The following EVC2 variants were observed in gnomAD, a reference collection of about 807,000 sequenced individuals.
EVC2 encodes limbin.
A neutral mutation model predicts 149.3 loss-of-function variants in EVC2; 148 were observed. That is an observed-to-expected ratio of 0.99 (90% CI 0.87 to 1.14). The LOEUF is 1.14. EVC2 is among the 50% of genes most tolerant of loss of function. The pLI, the probability that EVC2 is intolerant of heterozygous loss-of-function variation, is 0.00. For synonymous variants in EVC2, 776 were observed against 649.9 expected (o/e 1.19, Z -2.95); for missense variants, 1,854 against 1,627.3 (o/e 1.14, Z -2.40).
chr4:5,606,768 C>A (rs768376595), intron 16 of EVC2, among the ~76,000 whole-genome samples: 2 of 152,108 alleles, frequency 1.3e-5, no homozygotes, highest in Non-Finnish European at 2.9e-5. Flanking sequence ...AATTGGGAGG[C>A]TACAAAGTTG....
chr4:5,626,106 A>G (rs1716089757), intron 12 of EVC2, among the ~76,000 whole-genome samples, 198 bp from the exon 13 acceptor site: 1 of 152,176 alleles, frequency 6.6e-6, no homozygotes, highest in Admixed American at 6.5e-5. Context: ...AGCTCAGCAC[A>G]AGAGAGACAT....
chr4:5,549,629 T>G (rs1407821874), intron 21 of EVC2, among the ~76,000 whole-genome samples: 1 of 152,210 alleles, frequency 6.6e-6, no homozygotes, highest in East Asian at 1.9e-4. Context: ...GGTCAAACCC[T>G]CTCACAGAAG....
At chr4:5,620,660 T>C (rs1405986597) in intron 14 of EVC2, among the ~76,000 whole-genome samples, 2 of 152,208 alleles carry the variant, frequency 1.3e-5, no homozygotes, top group Non-Finnish European at 2.9e-5. Context: ...TTGCGTACAC[T>C]GTGAGTCGAT....
chr4:5,532,915 A>G, the EVC2 span, among the ~76,000 whole-genome samples: 1 of 151,264 alleles, frequency 6.6e-6, no homozygotes, highest in South Asian at 2.1e-4. Flanking sequence ...CTCACCCCAT[A>G]CTCAGTACCC....
intron 21 of EVC2, among the ~76,000 whole-genome samples, chr4:5,557,369 A>G (rs115068954): frequency 0.028 from 4,239 of 152,260 alleles, 99 homozygotes; most frequent in Non-Finnish European, 0.038. Context: ...ATATACACAT[A>G]CGATAAAATC....
At chr4:5,588,772 C>T (rs999041159) in intron 16 of EVC2, among the ~76,000 whole-genome samples, 42 of 152,254 alleles carry the variant, frequency 2.8e-4, no homozygotes, top group South Asian at 2.3e-3. Flanking sequence ...TCTTCCATAT[C>T]TATACTTAAC....
intron 7 of EVC2, among the ~76,000 whole-genome samples, chr4:5,675,094 A>C (rs1314563333): frequency 2.0e-5 from 3 of 152,204 alleles, no homozygotes; most frequent in Non-Finnish European, 4.4e-5. Context: ...CACATCATAG[A>C]TAGCTACCTA....
chr4:5,574,373 G>A lies in EVC2; in HGVS notation c.3360+312C>T, dbSNP rs58641475. Among the ~76,000 whole-genome samples the A allele has an allele frequency of 3.2e-3, 492 of 152,230 alleles. 2 individuals are homozygous for A. The highest frequency in any genetic ancestry group is 0.011 in the African/African-American group (469 of 41,546). On this transcript the variant is annotated intron_variant, in intron 19 of 21. Coordinates refer to ENST00000344408, the MANE Select transcript of EVC2 (RefSeq NM_147127.5). ...GTTTTCTCTTACCCACTTTCTTCCC[G>A]GTAGAACCTACTTTTTGTATATTAA... is the stretch of plus-strand genomic sequence containing the variant.
At chr4:5,531,377 C>A in the EVC2 span, among the ~76,000 whole-genome samples, 56 of 152,318 alleles carry the variant, frequency 3.7e-4, no homozygotes, top group African/African-American at 1.3e-3. Context: ...GCACATCCTC[C>A]TATGTACTTT....
At chr4:5,687,262 AAAAAG>A (rs1263811924) in intron 5 of EVC2, among the ~76,000 whole-genome samples, 32 of 152,256 alleles carry the variant, frequency 2.1e-4, no homozygotes, top group African/African-American at 7.0e-4. Flanking sequence ...CATCTCAAAA[AAAAAG>A]AAAAGAAAAG....
Position 5,689,422 on chromosome 4 carries a change from T to A in EVC2, c.520-79A>T, listed in dbSNP as rs1054300640. 14 of 1,419,412 alleles carry A rather than the reference T, an allele frequency of 9.9e-6. No individual in the cohort carries two copies. In the African/African-American group the frequency reaches 1.5e-4, roughly 16 times the overall value. The allele number at this position is 1,419,412 out of a possible 1,614,324, so 87.9% of individuals were successfully genotyped here. On this transcript the variant is annotated intron_variant, in intron 4 of 21. Transcript: ENST00000344408. ...TAAAATGGGGCATGAGCCCAGCCTG[T>A]GCACATTAGGCATCCAGGAAGAAGG...
chr4:5,542,350 G>A (rs1307733341), downstream of EVC2, among the ~76,000 whole-genome samples: 1 of 152,202 alleles, frequency 6.6e-6, no homozygotes, highest in African/African-American at 2.4e-5. Flanking sequence ...AGCTACTCAG[G>A]AAGCAGAGGT....
Position 5,625,606 on chromosome 4 carries a change from A to G in EVC2, c.2046+143T>C. On this transcript the variant is annotated intron_variant, in intron 13 of 21. Transcript: ENST00000344408. This position sits in a 1 kb window ranked among gnomAD's most constrained non-coding sequence, Gnocchi z 4.0. ...CATTCCAAAAAGTCGCTACCAATCAACAGTAGATGGCACATCATGGTGCCT... is the reference window on the plus strand; with the variant it reads ...CATTCCAAAAAGTCGCTACCAATCAGCAGTAGATGGCACATCATGGTGCCT... The G allele has an allele frequency of 1.9e-6, 2 of 1,068,098 alleles. No individual in the cohort carries two copies. Among genetic ancestry groups the G allele is most frequent in the Admixed American group, 2.2e-5 (1 of 44,788 alleles). 66.2% of individuals were successfully genotyped at this position (1,068,098 alleles called of 1,614,324 possible).
At chr4:5,643,322 G>A (rs1292093158) in intron 9 of EVC2, among the ~76,000 whole-genome samples, 4 of 152,196 alleles carry the variant, frequency 2.6e-5, no homozygotes, top group Non-Finnish European at 5.9e-5. Flanking sequence ...TTGAGACCAA[G>A]ATAATTCTAT....
At chr4:5,586,649 AC>A (rs58550659) in intron 16 of EVC2, among the ~76,000 whole-genome samples, 20,498 of 152,060 alleles carry the variant, frequency 0.13, 1,453 homozygotes, top group South Asian at 0.3. Flanking sequence ...GGTCTCCACA[AC>A]CCCCTTAGTG....
At chr4:5,629,745 C>T (rs1212939413) in intron 11 of EVC2, among the ~76,000 whole-genome samples, 1 of 152,232 alleles carries the variant, frequency 6.6e-6, no homozygotes, top group Non-Finnish European at 1.5e-5. Context: ...TAGCATCTCC[C>T]TAAGGGCCAC....
chr4:5,687,336 AC>A (rs1187671067), intron 5 of EVC2, among the ~76,000 whole-genome samples: 1 of 152,192 alleles, frequency 6.6e-6, no homozygotes, highest in Non-Finnish European at 1.5e-5. Flanking sequence ...AGCACTTTCC[AC>A]AGCCGGGCTG....
rs200622704 is a variant in EVC2, at chr4:5,631,936, C to A, written c.1567G>T (p.Ala523Ser). The A allele has an allele frequency of 3.7e-5, 60 of 1,614,196 alleles. 1 individual carries two copies. In the Admixed American group the frequency reaches 9.8e-4, roughly 26 times the overall value. Reference protein sequence around the residue: ...SLALQQEEDFAKAHRQLAVFQ... With the variant: ...SLALQQEEDFSKAHRQLAVFQ... ...ACAGCCAGCTGTCTGTGAGCTTTGG[C>A]AAAGTCTTCTTCTTGTTGCAAAGCG... Residue 523 changes from alanine (A) to serine (S), a missense_variant, in exon 11 of 22, where the codon GCC (alanine) becomes TCC (serine). By Grantham distance (99) the Ala-to-Ser change is moderately conservative. Coordinates refer to ENST00000344408, the MANE Select transcript of EVC2 (RefSeq NM_147127.5).
chr4:5,550,787 G>C (rs1721721627), intron 21 of EVC2, among the ~76,000 whole-genome samples: 1 of 152,218 alleles, frequency 6.6e-6, no homozygotes, highest in Admixed American at 6.5e-5. Flanking sequence ...AAGTGGTTTT[G>C]TGGGCCTGGC....
Sources: gnomAD v4.1 joint callset for allele counts (sites outside exome capture counted in the v4.1 genomes callset) on GRCh38, gnomAD v4.1.1 for gene constraint, Gnocchi (gnomAD v3.1) non-coding constraint, MANE v1.5 for transcripts, NCBI Gene and HGNC (gene_info 2026-07-23, HGNC 2026-07-21) for gene names.